Variants in GPHN observed in about 807,000 individuals in gnomAD.
GPHN encodes gephyrin.
GPHN carries 17 observed loss-of-function variants against 95.5 expected under a neutral mutation model. That is an observed-to-expected ratio of 0.18 (90% CI 0.12 to 0.27). GPHN has a LOEUF of 0.27. Ranked by LOEUF, GPHN falls within the 10% of genes least tolerant of loss-of-function variation. The probability of loss-of-function intolerance (pLI) is 1.00; values close to 1 mark genes in which losing one functional copy is unlikely to be tolerated. For missense variants in GPHN, 660 were observed against 978.1 expected (o/e 0.67, Z 4.34); for synonymous variants, 320 against 322.5 (o/e 0.99, Z 0.08).
At chr14:66,638,848 C>G (rs1043584534) in intron 1 of GPHN, among the ~76,000 whole-genome samples, 3 of 151,990 alleles carry the variant, frequency 2.0e-5, no homozygotes, top group Admixed American at 2.0e-4. Context: ...AGAAGCAGAT[C>G]CTCATACTGA....
chr14:66,595,775 GCTA>G (rs1595155855), intron 1 of GPHN, among the ~76,000 whole-genome samples: 1 of 135,474 alleles, frequency 7.4e-6, no homozygotes, highest in Admixed American at 7.3e-5. Flanking sequence ...TCCCTGAAGT[GCTA>G]CAGCTCTTCT....
the GPHN span, among the ~76,000 whole-genome samples, chr14:67,431,898 C>T: frequency 8.5e-5 from 13 of 152,282 alleles, no homozygotes; most frequent in South Asian, 2.5e-3. Flanking sequence ...TCTACTTTTT[C>T]TTCTTCATTT....
At chr14:67,135,857 A>C (rs72715389) in intron 17 of GPHN, among the ~76,000 whole-genome samples, 3,733 of 151,910 alleles carry the variant, frequency 0.025, 71 homozygotes, top group Non-Finnish European at 0.036. Flanking sequence ...CTGTCTTCTT[A>C]TTATTTTCTG....
At chr14:66,675,146 GTTT>G (rs60014934) in intron 1 of GPHN, among the ~76,000 whole-genome samples, 2 of 135,440 alleles carry the variant, frequency 1.5e-5, no homozygotes, top group Non-Finnish European at 1.6e-5. Flanking sequence ...TCTTTTTCCA[GTTT>G]TTTTTTTTTT....
chr14:67,374,810 T>G, the GPHN span, among the ~76,000 whole-genome samples: 1 of 152,214 alleles, frequency 6.6e-6, no homozygotes, highest in South Asian at 2.1e-4. Flanking sequence ...TTCTATTTTG[T>G]CCAGGTTGGT....
the GPHN span, chr14:67,224,559 C>T: frequency 1.4e-4 from 29 of 208,978 alleles, no homozygotes; most frequent in Non-Finnish European, 6.8e-5. Flanking sequence ...TGTGCCCGGC[C>T]CCATTTCTCT....
At chr14:67,218,554 G>C in the GPHN span, among the ~76,000 whole-genome samples, 3 of 152,130 alleles carry the variant, frequency 2.0e-5, no homozygotes, top group East Asian at 5.8e-4. Context: ...CTCTGGTCCA[G>C]GATATGGGTT....
intron 1 of GPHN, among the ~76,000 whole-genome samples, chr14:66,640,635 G>C (rs985904939): frequency 2.2e-4 from 34 of 152,112 alleles, no homozygotes; most frequent in African/African-American, 7.5e-4. Flanking sequence ...ATTATTCAGA[G>C]ACTAAGTTTG....
the GPHN span, among the ~76,000 whole-genome samples, chr14:67,458,930 C>A: frequency 1.3e-5 from 2 of 152,212 alleles, no homozygotes; most frequent in East Asian, 3.9e-4. Flanking sequence ...TCTTGTCGCC[C>A]AGGGTGGAGT....
chr14:67,315,086 CAGAA>C, the GPHN span, among the ~76,000 whole-genome samples: 1 of 150,744 alleles, frequency 6.6e-6, no homozygotes, highest in South Asian at 2.1e-4. Context: ...AGAGCAGTCT[CAGAA>C]AAAGAAAGAA....
intron 1 of GPHN, among the ~76,000 whole-genome samples, chr14:66,559,242 G>A (rs1422768584): frequency 1.3e-5 from 2 of 151,760 alleles, no homozygotes; most frequent in Non-Finnish European, 2.9e-5. Context: ...ATAGTCCTTT[G>A]GGTATATACC....
chr14:67,058,526 T>C (rs1287218542), intron 10 of GPHN, 123 bp from the exon 11 acceptor site: 2 of 851,740 alleles, frequency 2.3e-6, no homozygotes, highest in African/African-American at 3.3e-5. Flanking sequence ...GGAGAAACAG[T>C]TTCTTACCTG....
intron 1 of GPHN, among the ~76,000 whole-genome samples, chr14:66,589,007 G>C (rs1024833704): frequency 6.6e-6 from 1 of 152,104 alleles, no homozygotes. Flanking sequence ...CCCACAAAGG[G>C]AAGGCCATCA....
the GPHN span, among the ~76,000 whole-genome samples, chr14:67,732,126 CAAAAAAAAAAAA>C: frequency 4.6e-4 from 36 of 77,524 alleles, no homozygotes; most frequent in Admixed American, 2.1e-3. Flanking sequence ...GACTCTGTCT[CAAAAAAAAAAAA>C]AAAAAAAAAA....
chr14:66,894,316 A>C (rs186606309), intron 5 of GPHN, among the ~76,000 whole-genome samples: 1 of 152,312 alleles, frequency 6.6e-6, no homozygotes, highest in African/African-American at 2.4e-5. Flanking sequence ...CATATGTAGT[A>C]AGCTGAAACT....
At chr14:67,427,153 C>G in the GPHN span, among the ~76,000 whole-genome samples, 2 of 152,004 alleles carry the variant, frequency 1.3e-5, no homozygotes, top group Non-Finnish European at 2.9e-5. Flanking sequence ...CGGCTGATGA[C>G]TATGGGGATG....
intron 4 of GPHN, among the ~76,000 whole-genome samples, chr14:66,877,561 A>C (rs1259777793): frequency 1.3e-5 from 2 of 152,222 alleles, no homozygotes; most frequent in Non-Finnish European, 2.9e-5. Context: ...ATCAATGCAC[A>C]AAAATCACAA....
At chr14:67,176,211 GT>G (rs2082937219) in intron 21 of GPHN, among the ~76,000 whole-genome samples, 1 of 152,080 alleles carries the variant, frequency 6.6e-6, no homozygotes, top group Non-Finnish European at 1.5e-5. Context: ...TTGGCTGTGG[GT>G]TTGTCATAAA....
intron 3 of GPHN, among the ~76,000 whole-genome samples, chr14:66,782,208 A>G (rs1037181469): frequency 6.6e-6 from 1 of 152,070 alleles, no homozygotes; most frequent in South Asian, 2.1e-4. Context: ...CTCATACTAA[A>G]TTTTCCAATT....
Sources: gnomAD v4.1 joint callset for allele counts (sites outside exome capture counted in the v4.1 genomes callset) on GRCh38, gnomAD v4.1.1 for gene constraint, MANE v1.5 for transcripts, NCBI Gene and HGNC (gene_info 2026-07-23, HGNC 2026-07-21) for gene names.